PDE6A: variants seen among roughly 807,000 people sequenced by gnomAD.
PDE6A encodes the protein rod cGMP-specific 3',5'-cyclic phosphodiesterase subunit alpha.
In PDE6A, 84 loss-of-function variants were observed where a neutral mutation model predicts 106.3. The ratio of observed to expected loss-of-function variants is 0.79; its 90% confidence interval spans 0.66 to 0.95. The LOEUF is 0.95. Among genes scored for constraint, PDE6A ranks in the 40% least tolerant of loss-of-function variants. The pLI, the probability that PDE6A is intolerant of heterozygous loss-of-function variation, is 0.00. For missense variants in PDE6A, 1,052 were observed against 1,084.9 expected (o/e 0.97, Z 0.43); for synonymous variants, 394 against 386.6 (o/e 1.02, Z -0.23).
In PDE6A at chr5:149,870,750, A is replaced by C. The variant is rs74444272; in HGVS notation, c.2136-2592T>G. ...CCAGAGGGGCCTGCAGGGAGGTCAT[A>C]GTCACTCAAGGAACACAGGGCAAAA... On this transcript the variant is annotated intron_variant, in intron 17 of 21. Coordinates refer to ENST00000255266, the MANE Select transcript of PDE6A (RefSeq NM_000440.3). Among the ~76,000 whole-genome samples, 250 of 141,202 alleles carry C rather than the reference A, an allele frequency of 1.8e-3. 1 individual carries two copies. Among genetic ancestry groups the C allele is most frequent in the African/African-American group, 6.1e-3 (231 of 37,754 alleles). 92.6% of individuals were successfully genotyped at this position (141,202 alleles called of 152,430 possible).
At chr5:149,929,609 A>AAAATAAAAAAAAAAATAAAT (rs1554092090) in intron 4 of PDE6A, among the ~76,000 whole-genome samples, 1 of 145,296 alleles carries the variant, frequency 6.9e-6, no homozygotes, top group African/African-American at 2.6e-5. Flanking sequence ...TCCGTCTCAA[A>AAAATAAAAAAAAAAATAAAT]AAATAAATAA....
chr5:149,939,781 T>TAA (rs1754278965), intron 1 of PDE6A, among the ~76,000 whole-genome samples: 1 of 152,172 alleles, frequency 6.6e-6, no homozygotes, highest in African/African-American at 2.4e-5. Context: ...CCTTAAAGCA[T>TAA]AAGATCTTAA....
At position 149,920,021 on chromosome 5, in the gene PDE6A, A is replaced by G. The variant is rs549863720; in HGVS notation, c.933+1614T>C. Among the ~76,000 whole-genome samples, 17 of 152,190 alleles carry G rather than the reference A, an allele frequency of 1.1e-4. No homozygotes were observed. The East Asian group carries it at 3.1e-3, about 28-fold the overall frequency. On this transcript the variant is annotated intron_variant, in intron 5 of 21. Transcript: ENST00000255266. Reference sequence around the variant, plus strand: ...GCGTGAGAGGGATGTTAGAAGGCAGAGGGAATGTTAAAGGGCCTAATTTAG... The same window carrying G: ...GCGTGAGAGGGATGTTAGAAGGCAGGGGGAATGTTAAAGGGCCTAATTTAG...
Position 149,932,785 on chromosome 5 carries a change from A to T in PDE6A, c.717+1145T>A. 4 of 843,636 alleles carry T rather than the reference A, an allele frequency of 4.7e-6. No individual in the cohort carries two copies. The South Asian group carries it at 4.9e-5, about 10-fold the overall frequency. 52.3% of individuals were successfully genotyped at this position (843,636 alleles called of 1,614,324 possible). On this transcript the variant is annotated intron_variant, in intron 3 of 21. Transcript: ENST00000255266. ...ATATTAAATCCTTTAACTTGCTTCAATGTGCATGTGCTGGATTGAGAGACA... is the reference window on the plus strand; with the variant it reads ...ATATTAAATCCTTTAACTTGCTTCATTGTGCATGTGCTGGATTGAGAGACA...
intron 6 of PDE6A, among the ~76,000 whole-genome samples, chr5:149,909,824 T>A (rs1753317976): frequency 6.6e-6 from 1 of 152,250 alleles, no homozygotes; most frequent in Non-Finnish European, 1.5e-5. Context: ...ATTGATTCTT[T>A]TATCCATAGG....
chr5:149,920,593 T>C (rs1753676449), intron 5 of PDE6A, among the ~76,000 whole-genome samples: 1 of 152,020 alleles, frequency 6.6e-6, no homozygotes, highest in African/African-American at 2.4e-5. Flanking sequence ...AAAGAGAAAG[T>C]GGCGGGGACT....
intron 4 of PDE6A, among the ~76,000 whole-genome samples, chr5:149,922,605 C>T (rs1753755728): frequency 6.6e-6 from 1 of 152,174 alleles, no homozygotes; most frequent in South Asian, 2.1e-4. Flanking sequence ...AGCCACCATG[C>T]CTGGCCCACA....
intron 6 of PDE6A, among the ~76,000 whole-genome samples, chr5:149,912,486 G>A (rs928341224): frequency 2.6e-4 from 40 of 152,276 alleles, no homozygotes; most frequent in African/African-American, 9.4e-4. Context: ...CATGTAACTA[G>A]CTTTGACCAA....
intron 3 of PDE6A, chr5:149,932,696 G>T: frequency 6.3e-7 from 1 of 1,599,846 alleles, no homozygotes; most frequent in Non-Finnish European, 8.6e-7. Context: ...AGGAAATGCT[G>T]CCCCACTCAC....
At chr5:149,932,326 G>T in intron 3 of PDE6A, 1 of 1,439,414 alleles carries the variant, frequency 6.9e-7, no homozygotes. Flanking sequence ...TCTTCATTTT[G>T]AGGGGTTGTA....
At chr5:149,915,297 C>T (rs1753518197) in intron 5 of PDE6A, among the ~76,000 whole-genome samples, 1 of 152,160 alleles carries the variant, frequency 6.6e-6, no homozygotes, top group South Asian at 2.1e-4. Flanking sequence ...GCGTGAGCCA[C>T]TGCACCCAGC....
chr5:149,877,470 T>A (rs952900568), intron 17 of PDE6A, among the ~76,000 whole-genome samples: 3 of 152,122 alleles, frequency 2.0e-5, no homozygotes, highest in Non-Finnish European at 1.5e-5. Flanking sequence ...AGTGCAGCGG[T>A]GCAATCTTAG....
In PDE6A at chr5:149,896,850, T is replaced by C; in HGVS notation, c.1408-74A>G. On this transcript the variant is annotated intron_variant, in intron 10 of 21. Coordinates refer to ENST00000255266, the MANE Select transcript of PDE6A (RefSeq NM_000440.3). Reference sequence around the variant, plus strand: ...CTCCGCGTTTCCATTCCCATTTATCTCCTTCCTCCAAAGTCCTTGCAACAG... The same window carrying C: ...CTCCGCGTTTCCATTCCCATTTATCCCCTTCCTCCAAAGTCCTTGCAACAG... The C allele has an allele frequency of 2.0e-6, 3 of 1,513,110 alleles. No homozygotes were observed. The Admixed American group carries it at 5.0e-5, about 25-fold the overall frequency. The allele number at this position is 1,513,110 out of a possible 1,614,324, so 93.7% of individuals were successfully genotyped here. A position where few individuals can be genotyped will look rare whatever the true frequency, so the allele number is the denominator to read the frequency against.
chr5:149,903,422 C>T (rs1753060906), intron 8 of PDE6A, among the ~76,000 whole-genome samples: 1 of 151,072 alleles, frequency 6.6e-6, no homozygotes, highest in Admixed American at 6.6e-5. Flanking sequence ...AAAATAGATC[C>T]TGAGGCCAGA....
At chr5:149,907,977 C>A (rs1057354831) in intron 6 of PDE6A, among the ~76,000 whole-genome samples, 1 of 152,176 alleles carries the variant, frequency 6.6e-6, no homozygotes, top group African/African-American at 2.4e-5. Flanking sequence ...GCAATCATAA[C>A]CTTCTCCCTA....
chr5:149,876,890 AGATGAT>A (rs796362649), intron 17 of PDE6A, among the ~76,000 whole-genome samples: 2 of 98,166 alleles, frequency 2.0e-5, no homozygotes, highest in African/African-American at 1.7e-4. Flanking sequence ...CTAGACAGAC[AGATGAT>A]GATAGATGAT....
chr5:149,941,359 G>T (rs1363184078), intron 1 of PDE6A, among the ~76,000 whole-genome samples: 3 of 152,236 alleles, frequency 2.0e-5, no homozygotes, highest in Non-Finnish European at 4.4e-5. Flanking sequence ...ATGAGTAGGA[G>T]TTGGCCTGGG....
chr5:149,914,257 C>T (rs1202785476), intron 6 of PDE6A, among the ~76,000 whole-genome samples: 1 of 152,158 alleles, frequency 6.6e-6, no homozygotes, highest in Non-Finnish European at 1.5e-5. Context: ...TCACTGCTCA[C>T]CCTCTGAGTC....
chr5:149,867,837 C>T, intron 18 of PDE6A, 38 bp from the exon 19 acceptor site: 2 of 1,589,994 alleles, frequency 1.3e-6, no homozygotes, highest in Non-Finnish European at 8.6e-7. Context: ...AGAGTCAGAG[C>T]CCCAGCCCAA....
Sources: allele counts gnomAD v4.1 joint callset (sites outside exome capture counted in the v4.1 genomes callset), GRCh38; gene constraint gnomAD v4.1.1; transcripts MANE v1.5; gene names NCBI Gene and HGNC (gene_info 2026-07-23, HGNC 2026-07-21).